CAMTA1: variants seen among roughly 807,000 people sequenced by gnomAD.
CAMTA1 encodes calmodulin-binding transcription activator 1.
A neutral mutation model predicts 170.9 loss-of-function variants in CAMTA1; 27 were observed. The observed-to-expected ratio is 0.16, with a 90% CI of 0.12 to 0.22. The LOEUF is 0.22. Among genes scored for constraint, CAMTA1 ranks in the 10% least tolerant of loss-of-function variants. The pLI, the probability that CAMTA1 is intolerant of heterozygous loss-of-function variation, is 1.00. For missense variants in CAMTA1, 1,619 were observed against 2,217.2 expected (o/e 0.73, Z 5.42); for synonymous variants, 833 against 891.5 (o/e 0.93, Z 1.17).
chr1:7,057,647 C>T (rs1192201655), intron 3 of CAMTA1, among the ~76,000 whole-genome samples: 1 of 152,216 alleles, frequency 6.6e-6, no homozygotes, highest in Admixed American at 6.5e-5. Flanking sequence ...AAGTGGTCCA[C>T]GGAGCTGGCA....
chr1:7,677,539 G>A (rs2096134660), intron 10 of CAMTA1, 60 bp from the exon 11 acceptor site: 1 of 1,574,034 alleles, frequency 6.4e-7, no homozygotes. Flanking sequence ...GCCCTGTGTG[G>A]TTCACCAGGC....
intron 11 of CAMTA1, among the ~76,000 whole-genome samples, chr1:7,716,718 A>G (rs1398632502): frequency 6.6e-6 from 1 of 152,202 alleles, no homozygotes; most frequent in African/African-American, 2.4e-5. Context: ...TAAATAATGT[A>G]TGGAGAATGA....
At chr1:7,648,828 A>C (rs2095827925) in intron 7 of CAMTA1, among the ~76,000 whole-genome samples, 1 of 152,160 alleles carries the variant, frequency 6.6e-6, no homozygotes, top group African/African-American at 2.4e-5. Flanking sequence ...CCAGACACTG[A>C]GTTTTTTATG....
chr1:7,511,428 G>A lies in CAMTA1; in HGVS notation c.510+43527G>A, dbSNP rs1391827375. Among the ~76,000 whole-genome samples the A allele has an allele frequency of 3.6e-5, 4 of 110,532 alleles. 2 individuals are homozygous for A. Among genetic ancestry groups the A allele is most frequent in the Non-Finnish European group, 8.8e-5 (4 of 45,308 alleles). 72.5% of individuals were successfully genotyped at this position (110,532 alleles called of 152,430 possible). ...TGTGGCATTTAAGCATGTGCAGGAT[G>A]ATAATTATCATTATCACCATGGACA... On this transcript the variant is annotated intron_variant, in intron 6 of 22. Coordinates refer to ENST00000303635, the MANE Select transcript of CAMTA1 (RefSeq NM_015215.4).
intron 4 of CAMTA1, among the ~76,000 whole-genome samples, chr1:7,102,982 G>C (rs1276919736): frequency 6.6e-6 from 1 of 152,132 alleles, no homozygotes; most frequent in African/African-American, 2.4e-5. Flanking sequence ...GGACATAGTG[G>C]TGGTGACCAA....
At chr1:6,889,499 G>A (rs905431148) in intron 3 of CAMTA1, among the ~76,000 whole-genome samples, 1 of 152,242 alleles carries the variant, frequency 6.6e-6, no homozygotes, top group African/African-American at 2.4e-5. Context: ...AGTAAAGTAA[G>A]TGGGATGTGC....
At chr1:7,324,669 G>C (rs770806199) in intron 5 of CAMTA1, among the ~76,000 whole-genome samples, 4 of 151,958 alleles carry the variant, frequency 2.6e-5, no homozygotes, top group Non-Finnish European at 5.9e-5. Flanking sequence ...TTAGCCAGGC[G>C]TGGTGGCAGG....
intron 3 of CAMTA1, among the ~76,000 whole-genome samples, chr1:6,882,112 T>C (rs1671801431): frequency 6.6e-6 from 1 of 152,260 alleles, no homozygotes; most frequent in African/African-American, 2.4e-5. Flanking sequence ...GAATGCTTTG[T>C]ATGTTTTTAA....
chr1:6,997,020 G>A (rs887730551), intron 3 of CAMTA1, among the ~76,000 whole-genome samples: 5 of 152,086 alleles, frequency 3.3e-5, no homozygotes, highest in Non-Finnish European at 5.9e-5. Context: ...CAGATGTGTC[G>A]GTTTGCAAGC....
chr1:6,883,606 G>A (rs1672255772), intron 3 of CAMTA1, among the ~76,000 whole-genome samples: 1 of 152,308 alleles, frequency 6.6e-6, no homozygotes, highest in Middle Eastern at 3.4e-3. Flanking sequence ...GGAGCCAGGA[G>A]GCATGAAGGA....
chr1:7,513,792 C>T (rs539206505), intron 6 of CAMTA1, among the ~76,000 whole-genome samples: 2 of 152,306 alleles, frequency 1.3e-5, no homozygotes, highest in Admixed American at 6.5e-5. Flanking sequence ...CGTGGTGGCG[C>T]ATGCCTGTAA....
intron 11 of CAMTA1, among the ~76,000 whole-genome samples, chr1:7,692,399 G>C (rs190722991): frequency 6.6e-6 from 1 of 152,082 alleles, no homozygotes; most frequent in Admixed American, 6.6e-5. Context: ...TTCTCAGGCC[G>C]GTCCTTGGCA....
intron 3 of CAMTA1, among the ~76,000 whole-genome samples, chr1:6,966,508 G>A (rs151185537): frequency 6.6e-6 from 1 of 151,908 alleles, no homozygotes. Context: ...GCTGTGGCAC[G>A]TGCCAGAACT....
chr1:7,691,563 C>T (rs534684443), intron 11 of CAMTA1, among the ~76,000 whole-genome samples: 20 of 152,196 alleles, frequency 1.3e-4, no homozygotes, highest in Admixed American at 6.5e-4. Flanking sequence ...GTGTGAGAGC[C>T]ACCGAGGAGA....
chr1:7,752,599 C>T, intron 21 of CAMTA1, 66 bp downstream of exon 21: 1 of 1,219,790 alleles, frequency 8.2e-7, no homozygotes, highest in African/African-American at 1.5e-5. Context: ...ACCTTCTTAA[C>T]CCTCACTAAC....
At chr1:7,337,443 A>G (rs1488971298) in intron 5 of CAMTA1, among the ~76,000 whole-genome samples, 1 of 152,174 alleles carries the variant, frequency 6.6e-6, no homozygotes, top group Non-Finnish European at 1.5e-5. Context: ...AAATCAGCAG[A>G]CTTTGAGGGA....
intron 4 of CAMTA1, among the ~76,000 whole-genome samples, chr1:7,196,033 T>G (rs1655461623): frequency 6.6e-6 from 1 of 151,880 alleles, no homozygotes; most frequent in Non-Finnish European, 1.5e-5. Flanking sequence ...AAAAAAAATG[T>G]GTGATACAGT....
intron 6 of CAMTA1, among the ~76,000 whole-genome samples, chr1:7,639,637 G>T (rs1292284875): frequency 1.3e-5 from 2 of 152,162 alleles, no homozygotes; most frequent in African/African-American, 4.8e-5. Context: ...GCCAGGCATG[G>T]TGGTGTGTGC....
rs998449136 is a variant in CAMTA1 at position 7,635,362 on chromosome 1, C to G, written c.511-5038C>G. 2.6e-5 allele frequency among the ~76,000 whole-genome samples: 4 copies of G among 152,162 alleles called. No individual in the cohort carries two copies. The highest frequency in any genetic ancestry group is 9.7e-5 in the African/African-American group (4 of 41,432). ...GTGGCTCACGCCTGTAATCCCAGCA[C>G]TTTGGAAGGCCGAGGCAGGCAGATC... is the stretch of plus-strand genomic sequence containing the variant. On this transcript the variant is annotated intron_variant, in intron 6 of 22. Transcript: ENST00000303635. This position sits in a 1 kb window ranked among gnomAD's most constrained non-coding sequence, Gnocchi z 4.4.
Sources: allele counts gnomAD v4.1 joint callset (sites outside exome capture counted in the v4.1 genomes callset), GRCh38; gene constraint gnomAD v4.1.1; non-coding constraint Gnocchi (gnomAD v3.1); transcripts MANE v1.5; gene names NCBI Gene and HGNC (gene_info 2026-07-23, HGNC 2026-07-21).